The following DTL variants were observed in gnomAD, a reference collection of about 807,000 sequenced individuals.
DTL encodes denticleless protein homolog.
In DTL, 46 loss-of-function variants were observed where a neutral mutation model predicts 87.0. That is an observed-to-expected ratio of 0.53 (90% CI 0.42 to 0.68). The LOEUF (loss-of-function observed/expected upper bound fraction) is 0.68. DTL is among the 30% of genes least tolerant of loss of function. The pLI, the probability that DTL is intolerant of heterozygous loss-of-function variation, is 0.00. For synonymous variants in DTL, 308 were observed against 311.2 expected, an observed-to-expected ratio of 0.99 and a Z score of 0.11; for missense variants, 737 against 869.4, an observed-to-expected ratio of 0.85 and a Z score of 1.91.
At chr1:212,052,798 G>T (rs1668032570) in intron 5 of DTL, among the ~76,000 whole-genome samples, 1 of 149,912 alleles carries the variant, frequency 6.7e-6, no homozygotes. Context: ...CATCCTTGAG[G>T]TTTTGTTTTT....
At chr1:212,061,496 C>A (rs1381781237) in intron 5 of DTL, among the ~76,000 whole-genome samples, 8 of 24,850 alleles carry the variant, frequency 3.2e-4, no homozygotes, top group African/African-American at 5.0e-4. Context: ...AGTAAGATTT[C>A]TCAAAAAAAA....
At chr1:212,072,355 C>T in intron 11 of DTL, 142 bp downstream of exon 11, 1 of 648,600 alleles carries the variant, frequency 1.5e-6, no homozygotes. Flanking sequence ...GCTCTTGGCT[C>T]TTAATATAGC....
intron 13 of DTL, among the ~76,000 whole-genome samples, chr1:212,084,585 CAT>C (rs1445695100): frequency 7.9e-5 from 12 of 152,218 alleles, no homozygotes; most frequent in African/African-American, 2.9e-4. Context: ...CCCTCTGCCT[CAT>C]AGTTTCCCTT....
At chr1:212,063,188 A>C (rs1192297844) in intron 6 of DTL, among the ~76,000 whole-genome samples, 2 of 152,188 alleles carry the variant, frequency 1.3e-5, no homozygotes, top group African/African-American at 2.4e-5. Flanking sequence ...TCTGAATTAT[A>C]ATGCCATTTA....
Position 212,100,577 on chromosome 1 carries a change from A to T in DTL, c.1587A>T (p.Lys529Asn). ...AGACCAAGATCATGTCTCCGAGAAAAGCCCTTATTCCTGTGAGCCAGAAGT... is the reference window on the plus strand; with the variant it reads ...AGACCAAGATCATGTCTCCGAGAAATGCCCTTATTCCTGTGAGCCAGAAGT... ...ASETKIMSPR[K>N]ALIPVSQKSS... The change falls in exon 14 of 15, where the codon AAA (lysine) becomes AAT (asparagine). Residue 529 changes from lysine (K) to asparagine (N), a missense_variant. Transcript: ENST00000366991. The T allele has an allele frequency of 6.2e-7, 1 of 1,614,048 alleles. No individual in the cohort carries two copies. The highest frequency in any genetic ancestry group is 8.5e-7 in the Non-Finnish European group (1 of 1,180,006).
chr1:212,075,316 G>T (rs567723443), intron 11 of DTL, among the ~76,000 whole-genome samples: 1 of 152,232 alleles, frequency 6.6e-6, no homozygotes, highest in South Asian at 2.1e-4. Flanking sequence ...CTTGTGCCTT[G>T]AATTAAAGTC....
At chr1:212,085,605 TTGA>T (rs1655109578) in intron 13 of DTL, among the ~76,000 whole-genome samples, 1 of 152,248 alleles carries the variant, frequency 6.6e-6, no homozygotes, top group Non-Finnish European at 1.5e-5. Flanking sequence ...TTTTACTTTC[TTGA>T]TGGTGTCTCT....
intron 5 of DTL, among the ~76,000 whole-genome samples, chr1:212,059,302 T>TAAA (rs558660938): frequency 1.1e-4 from 15 of 142,564 alleles, no homozygotes; most frequent in African/African-American, 3.3e-4. Context: ...AACAGCACAT[T>TAAA]AAAAAAAAAA....
chr1:212,102,760 T>A, intron 14 of DTL, 82 bp from the exon 15 acceptor site: 1 of 935,956 alleles, frequency 1.1e-6, no homozygotes, highest in Non-Finnish European at 1.7e-6. Context: ...TCTGGCAGCC[T>A]AATTTAAGGT....
In DTL at chr1:212,072,193, G is replaced by A; in HGVS notation, c.1015G>A (p.Glu339Lys). The A allele has an allele frequency of 6.2e-7, 1 of 1,613,748 alleles. No individual in the cohort carries two copies. Among genetic ancestry groups the A allele is most frequent in the Non-Finnish European group, 8.5e-7 (1 of 1,179,668 alleles). ...GTTTTTAGTCAGTGGCTCAAGTGAT[G>A]AAGCTGCCTACATATGGAAGGTAAG... The part of the protein sequence containing the change: ...DQFLVSGSSD[E>K]AAYIWKVSTP... Residue 339 changes from glutamate (E) to lysine (K), a missense_variant, in exon 11 of 15, where the codon GAA becomes AAA. Glu to Lys is a moderately conservative substitution (Grantham distance 56). Coordinates refer to ENST00000366991, the MANE Select transcript of DTL (RefSeq NM_016448.4).
chr1:212,068,704 G>T lies in DTL; in HGVS notation c.922+1G>T. ...ATGACTGGGTTGAAGACTTCTCCAGGTAAGATATTAGTCATTCAAATTCTC... is the reference window on the plus strand; with the variant it reads ...ATGACTGGGTTGAAGACTTCTCCAGTTAAGATATTAGTCATTCAAATTCTC... On this transcript the variant is annotated splice_donor_variant, in intron 10 of 14. Coordinates refer to ENST00000366991, the MANE Select transcript of DTL (RefSeq NM_016448.4). LOFTEE classifies it high-confidence loss of function. The T allele has an allele frequency of 6.3e-7, 1 of 1,574,920 alleles. No homozygotes were observed. Among genetic ancestry groups the T allele is most frequent in the Admixed American group, 1.7e-5 (1 of 59,174 alleles).
At chr1:212,073,086 T>G (rs1265293265) in intron 11 of DTL, among the ~76,000 whole-genome samples, 1 of 152,190 alleles carries the variant, frequency 6.6e-6, no homozygotes, top group Non-Finnish European at 1.5e-5. Flanking sequence ...AAATAACTTT[T>G]TTAATAACAG....
rs376747014 is a variant in DTL at position 212,093,249 on chromosome 1, G to T, written c.1262-7003G>T. On this transcript the variant is annotated intron_variant, in intron 13 of 14. Transcript: ENST00000366991. Reference sequence around the variant, plus strand: ...CAGGCTGTAGGGCTCCGACCCCACAGCAGTGTCTGGGGGTGAATGTTTATA... The same window carrying T: ...CAGGCTGTAGGGCTCCGACCCCACATCAGTGTCTGGGGGTGAATGTTTATA... Among the ~76,000 whole-genome samples, 47 of 152,304 alleles carry T rather than the reference G, an allele frequency of 3.1e-4. No individual in the cohort carries two copies. The South Asian group carries it at 9.3e-3, about 30-fold the overall frequency.
Position 212,047,309 on chromosome 1 carries a change from G to A in DTL, c.352G>A (p.Gly118Ser). Reference protein sequence around the residue: ...PGELKLVTAAGDQTAKFWDVK... With the variant: ...PGELKLVTAASDQTAKFWDVK... ...TTATTTTTGAAAGGTTACAGCAGCA[G>A]GTGATCAAACAGCCAAATTTTGGGA... Residue 118 changes from glycine (G) to serine (S), a missense_variant, in exon 5 of 15, where the codon GGT becomes AGT. Gly to Ser is a moderately conservative substitution (Grantham distance 56). Transcript: ENST00000366991. The A allele has an allele frequency of 6.2e-7, 1 of 1,614,176 alleles. No individual in the cohort carries two copies. The highest frequency in any genetic ancestry group is 8.5e-7 in the Non-Finnish European group (1 of 1,180,028).
chr1:212,055,435 A>AT (rs1351762451), intron 5 of DTL, among the ~76,000 whole-genome samples: 1 of 152,022 alleles, frequency 6.6e-6, no homozygotes, highest in African/African-American at 2.4e-5. Flanking sequence ...TGTAACACTG[A>AT]TTTTCAGAGC....
chr1:212,067,741 G>GT (rs1250609167), intron 8 of DTL, among the ~76,000 whole-genome samples: 1 of 152,154 alleles, frequency 6.6e-6, no homozygotes, highest in Non-Finnish European at 1.5e-5. Context: ...TATACTAGAA[G>GT]TAGAGGATTA....
At position 212,057,593 on chromosome 1, in the gene DTL, CAAG is replaced by C. The variant is rs879907028; in HGVS notation, c.461-5288_461-5286del. ...AACTACTGGTAAGCAAACACACAAA[CAAG>C]AAAGAGGAAAGGCTGAAATGTTACC... On this transcript the variant is annotated intron_variant, in intron 5 of 14. Coordinates refer to ENST00000366991, the MANE Select transcript of DTL (RefSeq NM_016448.4). Among the ~76,000 whole-genome samples, 72 of 151,854 alleles carry C rather than the reference CAAG, an allele frequency of 4.7e-4. 1 individual carries two copies. Among genetic ancestry groups the C allele is most frequent in the Admixed American group, 8.5e-4 (13 of 15,246 alleles).
intron 1 of DTL, 40 bp from the exon 2 acceptor site, chr1:212,042,953 A>G (rs1239349634): frequency 6.5e-7 from 1 of 1,538,322 alleles, no homozygotes; most frequent in Non-Finnish European, 8.8e-7. Flanking sequence ...CTGAAATGTG[A>G]TGCTGTATTG....
At position 212,102,955 on chromosome 1, in the gene DTL, G is replaced by A. The variant is rs758446060; in HGVS notation, c.*15G>A. On this transcript the variant is annotated 3_prime_UTR_variant, in exon 15 of 15. Transcript: ENST00000366991. ...CAGAATTATAGATTCTAATCTGAGT[G>A]AGTTACTGAGCTTTGGTCCACTAAA... 1.1e-5 allele frequency: 17 copies of A among 1,479,606 alleles called. No individual in the cohort carries two copies. In the Admixed American group the frequency reaches 3.0e-4, roughly 26 times the overall value. The allele number at this position is 1,479,606 out of a possible 1,614,324, so 91.7% of individuals were successfully genotyped here. A position where few individuals can be genotyped will look rare whatever the true frequency, so the allele number is the denominator to read the frequency against.
Sources: allele counts gnomAD v4.1 joint callset (sites outside exome capture counted in the v4.1 genomes callset), GRCh38; gene constraint gnomAD v4.1.1; transcripts MANE v1.5; gene names NCBI Gene and HGNC (gene_info 2026-07-23, HGNC 2026-07-21).